DCTN1: variants seen among roughly 807,000 people sequenced by gnomAD.
DCTN1 encodes dynactin subunit 1, also known as 150 kDa dynein-associated polypeptide.
A neutral mutation model predicts 161.2 loss-of-function variants in DCTN1; 61 were observed. The ratio of observed to expected loss-of-function variants is 0.38; its 90% CI spans 0.31 to 0.47. The LOEUF is 0.47. DCTN1 is among the 20% of genes least tolerant of loss of function. The probability of loss-of-function intolerance (pLI) is 0.99; values close to 1 mark genes in which losing one functional copy is unlikely to be tolerated. For synonymous variants in DCTN1, 653 were observed against 632.4 expected (o/e 1.03, Z -0.49); for missense variants, 1,404 against 1,623.7 (o/e 0.86, Z 2.33).
rs1558937816 is a variant in DCTN1, at chr2:74,367,323, GGGCTCAATCACT to G, written c.2253+17_2253+28del. Reference sequence around the variant, plus strand: ...TGCCCTCCATTTCTGATCTCCACGGGGGCTCAATCACTGGCCCAGATACTTCACCTTAATGTG... The same window carrying G: ...TGCCCTCCATTTCTGATCTCCACGGGGGCCCAGATACTTCACCTTAATGTG... On this transcript the variant is annotated intron_variant, in intron 19 of 31. Coordinates refer to ENST00000628224, the MANE Select transcript of DCTN1 (RefSeq NM_004082.5). The G allele has an allele frequency of 6.2e-7, 1 of 1,613,238 alleles. No homozygotes were observed. Among genetic ancestry groups the G allele is most frequent in the South Asian group, 1.1e-5 (1 of 90,992 alleles).
chr2:74,383,091 A>T (rs10200991), upstream of DCTN1, among the ~76,000 whole-genome samples: 1,659 of 150,394 alleles, frequency 0.011, 58 homozygotes, highest in East Asian at 0.12. Flanking sequence ...CAAAAAAAAA[A>T]AAATAAATAA....
At chr2:74,372,347 T>C (rs1356031904) in intron 7 of DCTN1, among the ~76,000 whole-genome samples, 1 of 152,150 alleles carries the variant, frequency 6.6e-6, no homozygotes, top group Non-Finnish European at 1.5e-5. Flanking sequence ...GACTCCCCCT[T>C]GAAACAACTC....
At position 74,363,033 on chromosome 2, in the gene DCTN1, T is replaced by A. The variant is rs72466493; in HGVS notation, c.3490A>T (p.Thr1164Ser). The change falls in exon 29 of 32, where the codon ACA becomes TCA. Residue 1164 changes from threonine to serine, a missense_variant. This residue lies in a region of DCTN1 where 311 missense variants were observed against 298.9 expected (regional missense o/e 1.04). Transcript: ENST00000628224. ...GTGATGTCTACTACGTGCGTGTGTG[T>A]GCTCAATTGATTCAATGTCTCCAGC... Reference protein sequence around the residue: ...QLLETLNQLSTHTHVVDITRT... With the variant: ...QLLETLNQLSSHTHVVDITRT... 1 of 1,613,908 alleles carries A rather than the reference T, an allele frequency of 6.2e-7. No homozygotes were observed. The highest frequency in any genetic ancestry group is 8.5e-7 in the Non-Finnish European group (1 of 1,179,916).
chr2:74,377,903 T>C, intron 2 of DCTN1, 97 bp downstream of exon 2: 1 of 1,562,384 alleles, frequency 6.4e-7, no homozygotes. Context: ...ACCAGAGGCT[T>C]ATGCCCATGC....
chr2:74,368,959 C>G (rs958402719), intron 15 of DCTN1, 79 bp from the exon 16 acceptor site: 1 of 1,588,758 alleles, frequency 6.3e-7, no homozygotes, highest in Non-Finnish European at 8.6e-7. Flanking sequence ...TCCAGTAGAT[C>G]CCTTGCTTCT....
rs186494564 is a variant in DCTN1, at chr2:74,372,318, G to A, written c.454-590C>T. 7.8e-4 allele frequency among the ~76,000 whole-genome samples: 119 copies of A among 152,308 alleles called. 1 individual carries two copies. The highest frequency in any genetic ancestry group is 2.6e-3 in the African/African-American group (110 of 41,554). On this transcript the variant is annotated intron_variant, in intron 7 of 31. Coordinates refer to ENST00000628224, the MANE Select transcript of DCTN1 (RefSeq NM_004082.5). Reference sequence around the variant, plus strand: ...AGGACCCTGCAGGTAAAAGGGCCAAGGTGAAAGTTGTACCCCTAGACTCCC... The same window carrying A: ...AGGACCCTGCAGGTAAAAGGGCCAAAGTGAAAGTTGTACCCCTAGACTCCC...
chr2:74,363,333 C>G lies in DCTN1; in HGVS notation c.3306G>C (p.Leu1102=), dbSNP rs780822338. The change falls in exon 28 of 32, where the codon CTG becomes CTC. Residue 1102 remains leucine, a synonymous_variant. Transcript: ENST00000628224. ...TCTCATGCTGGAGCTGGGAGATGTG[C>G]AGCCTCATGGCAGAGATCTGCTGAA... ...LLLQQISAMR[L]HISQLQHENS... The G allele has an allele frequency of 1.2e-6, 2 of 1,613,424 alleles. No individual in the cohort carries two copies. The highest frequency in any genetic ancestry group is 3.3e-5 in the Admixed American group (2 of 59,944).
chr2:74,369,170 C>G lies in DCTN1; in HGVS notation c.1629G>C (p.Glu543Asp). 1 of 1,614,248 alleles carries G rather than the reference C, an allele frequency of 6.2e-7. No individual in the cohort carries two copies. Among genetic ancestry groups the G allele is most frequent in the South Asian group, 1.1e-5 (1 of 91,090 alleles). ...TCTCTGGAGGTGGCTGCTGTTGCCT[C>G]TCCACAGATGCTTCCTGCTGGTTTG... ...ELTNQQEASV[E>D]RQQQPPPETF... Residue 543 changes from glutamate to aspartate, a missense_variant, in exon 15 of 32, where the codon GAG (glutamate) becomes GAC (aspartate). Glu to Asp is a conservative substitution (Grantham distance 45). Around this residue, in one of 9 missense-constraint regions of DCTN1, gnomAD observed 278 missense variants for 363.8 expected, o/e 0.76. Transcript: ENST00000628224. The surrounding 1 kb of genome is among the most constrained non-coding windows in gnomAD (Gnocchi z 4.9).
intron 3 of DCTN1, 46 bp from the exon 4 acceptor site, chr2:74,377,512 TA>T (rs777065882): frequency 7.7e-6 from 12 of 1,567,000 alleles, no homozygotes; most frequent in Admixed American, 1.7e-5. Flanking sequence ...TATAGAGAGG[TA>T]GGGGGAGATA....
rs1297844991 is a variant in DCTN1, at chr2:74,366,878, A to G, written c.2371T>C (p.Cys791Arg). 3 of 1,614,264 alleles carry G rather than the reference A, an allele frequency of 1.9e-6. No homozygotes were observed. Among genetic ancestry groups the G allele is most frequent in the Non-Finnish European group, 2.5e-6 (3 of 1,180,042 alleles). Residue 791 changes from cysteine to arginine, a missense_variant, in exon 21 of 32, where the codon TGC (cysteine) becomes CGC (arginine). Transcript: ENST00000628224. ...ALLLRDLETS[C>R]SDIRQFCKKI... The stretch of plus-strand genomic sequence containing the variant: ...TTGCAGAACTGGCGGATGTCACTGC[A>G]TGAAGTTTCCAGATCCCGGAGCAGG...
intron 5 of DCTN1, among the ~76,000 whole-genome samples, chr2:74,375,778 G>C (rs180955424): frequency 1.6e-3 from 251 of 152,254 alleles, no homozygotes; most frequent in Middle Eastern, 6.8e-3. Flanking sequence ...GCAAGTACCA[G>C]CATGTGGTCT....
rs377261118 is a variant in DCTN1, at chr2:74,363,595, G to C, written c.3211+19C>G. ...AACTCCCACCAGCCTGGTAACCCCC[G>C]GCCAGAGTGGGTCTCTACCTCGCTG... On this transcript the variant is annotated intron_variant, in intron 27 of 31. Transcript: ENST00000628224. The C allele has an allele frequency of 1.5e-5, 24 of 1,613,030 alleles. No homozygotes were observed. In the Admixed American group the frequency reaches 3.7e-4, roughly 25 times the overall value.
Position 74,367,988 on chromosome 2 carries a change from C to T in DCTN1, c.1998G>A (p.Thr666=), listed in dbSNP as rs149900553. 1.1e-4 allele frequency: 181 copies of T among 1,614,188 alleles called. 1 individual carries two copies. In the African/African-American group the frequency reaches 1.9e-3, roughly 17 times the overall value. ...LVYSLSLLQA[T]LHRYEHALSQ... ...TCACTTACTGCTCATAGCGGTGTAG[C>T]GTGGCCTGCAGCAGGCTCAGCGAGT... The change falls in exon 17 of 32, where the codon ACG becomes ACA. Residue 666 remains threonine (T), a synonymous_variant. Transcript: ENST00000628224.
intron 31 of DCTN1, among the ~76,000 whole-genome samples, 180 bp downstream of exon 31, chr2:74,361,872 T>C (rs188988874): frequency 1.3e-5 from 2 of 152,284 alleles, no homozygotes; most frequent in Non-Finnish European, 1.5e-5. Context: ...TGCTAAAATA[T>C]TGGAATTTCA....
rs749706596 is a variant in DCTN1 at position 74,366,023 on chromosome 2, G to A, written c.2761-5C>T. 12 of 1,614,230 alleles carry A rather than the reference G, an allele frequency of 7.4e-6. No homozygotes were observed. The highest frequency in any genetic ancestry group is 1.0e-5 in the Non-Finnish European group (12 of 1,180,040). On this transcript the variant is annotated splice_region_variant and splice_polypyrimidine_tract_variant and intron_variant, in intron 23 of 31. Coordinates refer to ENST00000628224, the MANE Select transcript of DCTN1 (RefSeq NM_004082.5). Reference sequence around the variant, plus strand: ...CCGCAGTTCAACCGGTGGAGGCTAAGGAATGGTCGGTAGGGGGTGAGAAAG... The same window carrying A: ...CCGCAGTTCAACCGGTGGAGGCTAAAGAATGGTCGGTAGGGGGTGAGAAAG...
chr2:74,370,963 T>C lies in DCTN1; in HGVS notation c.843+16A>G. The C allele has an allele frequency of 6.2e-7, 1 of 1,613,580 alleles. No individual in the cohort carries two copies. Among genetic ancestry groups the C allele is most frequent in the Admixed American group, 1.7e-5 (1 of 60,024 alleles). On this transcript the variant is annotated intron_variant, in intron 9 of 31. Coordinates refer to ENST00000628224, the MANE Select transcript of DCTN1 (RefSeq NM_004082.5). The surrounding 1 kb of genome is among the most constrained non-coding windows in gnomAD (Gnocchi z 4.4). ...TCTCAGGCTGCCCCAGCCACCCCCT[T>C]CATCCAGAGTCAAACCTTTCTCGCC...
chr2:74,363,220 G>A (rs1487376562), intron 28 of DCTN1, 43 bp from the exon 29 acceptor site: 5 of 1,614,054 alleles, frequency 3.1e-6, no homozygotes, highest in East Asian at 2.2e-5. Context: ...GGTGCTAGGA[G>A]GCCCCTGTCA....
Position 74,370,703 on chromosome 2 carries a change from C to T in DCTN1, c.966G>A (p.Gln322=). The T allele has an allele frequency of 2.5e-6, 4 of 1,614,234 alleles. No homozygotes were observed. In the South Asian group the frequency reaches 4.4e-5, roughly 18 times the overall value. ...EMAEERAESL[Q]QEVEALKERV... is the part of the protein sequence containing the mutation. ...GCTCCTTCAGTGCCTCCACCTCCTG[C>T]TGCAGGGACTCAGCCCGCTCTTCAG... is the stretch of plus-strand genomic sequence containing the variant. The change falls in exon 10 of 32, where the codon CAG becomes CAA. Residue 322 remains glutamine (Q), a synonymous_variant. Transcript: ENST00000628224. The surrounding 1 kb of genome is among the most constrained non-coding windows in gnomAD (Gnocchi z 4.4).
At chr2:74,363,738 AC>A (rs1291973256) in intron 26 of DCTN1, 110 bp from the exon 27 acceptor site, 4 of 1,403,196 alleles carry the variant, frequency 2.9e-6, no homozygotes, top group Non-Finnish European at 4.0e-6. Context: ...CTGCAGGAAA[AC>A]CCTTTTCCTA....
Sources: gnomAD v4.1 joint callset for allele counts (sites outside exome capture counted in the v4.1 genomes callset) on GRCh38, gnomAD v4.1.1 for gene constraint, gnomAD v4.1.1 regional missense constraint, Gnocchi (gnomAD v3.1) non-coding constraint, MANE v1.5 for transcripts, NCBI Gene and HGNC (gene_info 2026-07-23, HGNC 2026-07-21) for gene names.